KMT2A: variants seen among roughly 807,000 people sequenced by gnomAD.
KMT2A encodes the protein lysine methyltransferase 2A, also known as histone-lysine N-methyltransferase 2A.
A neutral mutation model predicts 345.3 loss-of-function variants in KMT2A; 16 were observed. The ratio of observed to expected loss-of-function variants is 0.05; its 90% CI spans 0.03 to 0.07. KMT2A has a LOEUF of 0.07. Among genes scored for constraint, KMT2A ranks in the 10% least tolerant of loss-of-function variants. KMT2A has a pLI of 1.00. For missense variants in KMT2A, 3,272 were observed against 4,841.6 expected (o/e 0.68, Z 9.62); for synonymous variants, 1,599 against 1,778.6 (o/e 0.90, Z 2.54).
rs560592574 is a variant in KMT2A at position 118,493,364 on chromosome 11, T to C, written c.5178+134T>C. The C allele has an allele frequency of 1.7e-6, 1 of 590,688 alleles. No homozygotes were observed. Among genetic ancestry groups the C allele is most frequent in the East Asian group, 3.1e-5 (1 of 32,766 alleles). 36.6% of individuals were successfully genotyped at this position (590,688 alleles called of 1,614,324 possible). ...TTTAGAAATGTCACGTGGCTTTAGA[T>C]ACCTAAAAATGTATGAGTTATTTTA... is the stretch of plus-strand genomic sequence containing the variant. On this transcript the variant is annotated intron_variant, in intron 16 of 35. Transcript: ENST00000534358. This position sits in a 1 kb window ranked among gnomAD's most constrained non-coding sequence, Gnocchi z 5.8.
Position 118,504,281 on chromosome 11 carries a change from C to G in KMT2A, c.8389C>G (p.Gln2797Glu), listed in dbSNP as rs1555047189. 6.2e-7 allele frequency: 1 copy of G among 1,614,102 alleles called. No individual in the cohort carries two copies. The highest frequency in any genetic ancestry group is 8.5e-7 in the Non-Finnish European group (1 of 1,180,034). Residue 2797 changes from glutamine (Q) to glutamate (E), a missense_variant, in exon 27 of 36, where the codon CAA becomes GAA. This residue lies in a region of KMT2A where 100 missense variants were observed against 101.3 expected (regional missense o/e 0.99). Transcript: ENST00000534358. The surrounding 1 kb of genome is among the most constrained non-coding windows in gnomAD (Gnocchi z 6.4). ...TGTAAGCAGAGTTAAAACACAGGGACAAGATTCCTTGGAAGCTCAGCTCAG... is the reference window on the plus strand; with the variant it reads ...TGTAAGCAGAGTTAAAACACAGGGAGAAGATTCCTTGGAAGCTCAGCTCAG... Reference protein sequence around the residue: ...HSVSRVKTQGQDSLEAQLSSL... With the variant: ...HSVSRVKTQGEDSLEAQLSSL...
intron 15 of KMT2A, 80 bp from the exon 16 acceptor site, chr11:118,492,977 C>G: frequency 9.2e-7 from 1 of 1,085,938 alleles, no homozygotes; most frequent in Non-Finnish European, 1.4e-6. Flanking sequence ...TCAGTACCAT[C>G]TTTATTAATT....
Position 118,526,417 on chromosome 11 carries a change from C to T in KMT2A, c.*4245C>T, listed in dbSNP as rs1951082862. 1 of 227,514 alleles carries T rather than the reference C, an allele frequency of 4.4e-6. No homozygotes were observed. The highest frequency in any genetic ancestry group is 1.8e-4 in the South Asian group (1 of 5,474). The allele number at this position is 227,514 out of a possible 1,614,324, so 14.1% of individuals were successfully genotyped here. On this transcript the variant is annotated 3_prime_UTR_variant, in exon 36 of 36. Transcript: ENST00000534358. ...GAATTGTGGTGTTTCTTTTATTGAA[C>T]TTTTAACAGTCTCTTTAGTAAATAC...
rs1239991722 is a variant in KMT2A, at chr11:118,494,544, G to A, written c.5289+146G>A. 6.0e-6 allele frequency: 5 copies of A among 835,200 alleles called. No individual in the cohort carries two copies. In the East Asian group the frequency reaches 1.1e-4, roughly 18 times the overall value. 51.7% of individuals were successfully genotyped at this position (835,200 alleles called of 1,614,324 possible). ...AATTTGATCCCCTGATTCTTTGAGA[G>A]GAACTTGGTGAGGTTGCCAGAGTGG... On this transcript the variant is annotated intron_variant, in intron 17 of 35. Coordinates refer to ENST00000534358, the MANE Select transcript of KMT2A (RefSeq NM_001197104.2). The surrounding 1 kb of genome is among the most constrained non-coding windows in gnomAD (Gnocchi z 5.8).
In KMT2A at chr11:118,520,136, G is replaced by C. The variant is rs1950926531; in HGVS notation, c.11429+72G>C. On this transcript the variant is annotated intron_variant, in intron 33 of 35. Coordinates refer to ENST00000534358, the MANE Select transcript of KMT2A (RefSeq NM_001197104.2). The surrounding 1 kb of genome is among the most constrained non-coding windows in gnomAD (Gnocchi z 4.3). ...CTCCAGCTGGTCAGGGCACTACGTAGGAATTTGTTTGCATCAGAATTTCCT... is the reference window on the plus strand; with the variant it reads ...CTCCAGCTGGTCAGGGCACTACGTACGAATTTGTTTGCATCAGAATTTCCT... The C allele has an allele frequency of 1.0e-6, 1 of 1,000,460 alleles. No individual in the cohort carries two copies. Among genetic ancestry groups the C allele is most frequent in the Admixed American group, 2.4e-5 (1 of 41,492 alleles). 62.0% of individuals were successfully genotyped at this position (1,000,460 alleles called of 1,614,324 possible). A position where few individuals can be genotyped will look rare whatever the true frequency, so the allele number is the denominator to read the frequency against.
Position 118,505,477 on chromosome 11 carries a change from G to A in KMT2A, c.9585G>A (p.Pro3195=), listed in dbSNP as rs371553631. ...TGCTTATTGGGGTTCAGCCTCCTCC[G>A]GATCCCCAACTTTTGGTTTCAGAAT... ...SGLLIGVQPP[P]DPQLLVSESS... Residue 3195 remains proline, a synonymous_variant, in exon 27 of 36, where the codon CCG becomes CCA. Transcript: ENST00000534358. The surrounding 1 kb of genome is among the most constrained non-coding windows in gnomAD (Gnocchi z 4.6). 2.3e-5 allele frequency: 37 copies of A among 1,613,930 alleles called. No individual in the cohort carries two copies. The Admixed American group carries it at 2.5e-4, about 11-fold the overall frequency.
intron 1 of KMT2A, 156 bp from the exon 2 acceptor site, chr11:118,468,619 A>T (rs1555034706): frequency 1.6e-6 from 1 of 616,062 alleles, no homozygotes. Context: ...ATTTATTTCA[A>T]TATTAGTTAT....
At chr11:118,506,919 T>A (rs1206426036) in intron 27 of KMT2A, among the ~76,000 whole-genome samples, 1 of 152,242 alleles carries the variant, frequency 6.6e-6, no homozygotes, top group East Asian at 1.9e-4. Flanking sequence ...GTTTCTTTTT[T>A]ACTGAGGCTT....
intron 15 of KMT2A, among the ~76,000 whole-genome samples, chr11:118,492,583 G>A (rs562928572): frequency 6.6e-6 from 1 of 152,340 alleles, no homozygotes; most frequent in South Asian, 2.1e-4. Flanking sequence ...GCAGGCTGAG[G>A]CAGGAGAATG....
At position 118,476,772 on chromosome 11, in the gene KMT2A, G is replaced by A. The variant is rs201569160; in HGVS notation, c.3157-33G>A. On this transcript the variant is annotated intron_variant, in intron 3 of 35. Transcript: ENST00000534358. This position sits in a 1 kb window ranked among gnomAD's most constrained non-coding sequence, Gnocchi z 4.1. ...TTCAGTTATAATTTCAACATGTATG[G>A]TTGTTATTGTTTTTGGATTGCCTCA... The A allele has an allele frequency of 6.3e-6, 10 of 1,575,232 alleles. No individual in the cohort carries two copies. The South Asian group carries it at 7.9e-5, about 13-fold the overall frequency.
chr11:118,453,135 C>T (rs1949574385), intron 1 of KMT2A, among the ~76,000 whole-genome samples: 2 of 152,184 alleles, frequency 1.3e-5, no homozygotes, highest in African/African-American at 2.4e-5. Flanking sequence ...ACCCCACGTC[C>T]ACCTCTAGCT....
Position 118,502,445 on chromosome 11 carries a change from T to C in KMT2A, c.6553T>C (p.Leu2185=). The stretch of plus-strand genomic sequence containing the variant: ...TGAAATAGTCACAGTAGGTGATCCT[T>C]TACTCTCCTCTGGACTTCGAAGCAT... The part of the protein sequence containing the change: ...THEIVTVGDP[L]LSSGLRSIGS... The change falls in exon 27 of 36, where the codon TTA becomes CTA. Residue 2185 remains leucine, a synonymous_variant. Transcript: ENST00000534358. This position sits in a 1 kb window ranked among gnomAD's most constrained non-coding sequence, Gnocchi z 4.9. 1 of 1,613,338 alleles carries C rather than the reference T, an allele frequency of 6.2e-7. No individual in the cohort carries two copies.
intron 1 of KMT2A, among the ~76,000 whole-genome samples, chr11:118,460,221 A>G (rs1356841477): frequency 6.6e-6 from 1 of 152,226 alleles, no homozygotes; most frequent in African/African-American, 2.4e-5. Context: ...ATACATTGCC[A>G]TCCTTTGGAA....
chr11:118,496,519 C>T lies in KMT2A; in HGVS notation c.5664+152C>T, dbSNP rs1950411654. ...ACTTTTATTTACCTATAACTTATAA[C>T]TTATTAATTTGTAACTTATTTTTTG... is the stretch of plus-strand genomic sequence containing the variant. On this transcript the variant is annotated intron_variant, in intron 20 of 35. Transcript: ENST00000534358. The surrounding 1 kb of genome is among the most constrained non-coding windows in gnomAD (Gnocchi z 4.7). 2 of 494,804 alleles carry T rather than the reference C, an allele frequency of 4.0e-6. No homozygotes were observed. Among genetic ancestry groups the T allele is most frequent in the Admixed American group, 7.2e-5 (2 of 27,888 alleles). The allele number at this position is 494,804 out of a possible 1,614,324, so 30.7% of individuals were successfully genotyped here. A position where few individuals can be genotyped will look rare whatever the true frequency, so the allele number is the denominator to read the frequency against.
chr11:118,437,170 TCTC>T (rs1297743391), intron 1 of KMT2A, among the ~76,000 whole-genome samples: 7 of 103,572 alleles, frequency 6.8e-5, no homozygotes, highest in African/African-American at 2.7e-4. Context: ...TGCCCCCCGC[TCTC>T]CTCCCCCTGA....
chr11:118,438,836 G>A (rs576707091), intron 1 of KMT2A, among the ~76,000 whole-genome samples: 1 of 152,264 alleles, frequency 6.6e-6, no homozygotes, highest in East Asian at 1.9e-4. Flanking sequence ...AGGAGGACAT[G>A]ATGGGGGCGT....
chr11:118,461,839 T>G (rs565547145), intron 1 of KMT2A, among the ~76,000 whole-genome samples: 1 of 152,374 alleles, frequency 6.6e-6, no homozygotes, highest in East Asian at 1.9e-4. Context: ...ACTCTTACCT[T>G]GTTTCCAACC....
rs577009687 is a variant in KMT2A at position 118,484,572 on chromosome 11, C to T, written c.4218+258C>T. ...AGTATCAGAGGAAGTAATTCCTTCA[C>T]ATGGAAAGTATCAAACCATGATGAT... On this transcript the variant is annotated intron_variant, in intron 9 of 35. Coordinates refer to ENST00000534358, the MANE Select transcript of KMT2A (RefSeq NM_001197104.2). The surrounding 1 kb of genome is among the most constrained non-coding windows in gnomAD (Gnocchi z 4.1). Among the ~76,000 whole-genome samples, 2 of 152,296 alleles carry T rather than the reference C, an allele frequency of 1.3e-5. No homozygotes were observed. The highest frequency in any genetic ancestry group is 2.1e-4 in the South Asian group (1 of 4,822).
At position 118,498,132 on chromosome 11, in the gene KMT2A, T is replaced by C; in HGVS notation, c.5802+59T>C. The C allele has an allele frequency of 1.3e-6, 2 of 1,564,204 alleles. No homozygotes were observed. The highest frequency in any genetic ancestry group is 8.8e-7 in the Non-Finnish European group (1 of 1,138,754). On this transcript the variant is annotated intron_variant, in intron 21 of 35. Transcript: ENST00000534358. This position sits in a 1 kb window ranked among gnomAD's most constrained non-coding sequence, Gnocchi z 4.4. The stretch of plus-strand genomic sequence containing the variant: ...TTCCCTCTCAGTTTCCAGATATTCT[T>C]CCTGTGGGTGAATATGGCCTCCCTG...
Sources: allele counts gnomAD v4.1 joint callset (sites outside exome capture counted in the v4.1 genomes callset), GRCh38; gene constraint gnomAD v4.1.1; regional missense constraint gnomAD v4.1.1; non-coding constraint Gnocchi (gnomAD v3.1); transcripts MANE v1.5; gene names NCBI Gene and HGNC (gene_info 2026-07-23, HGNC 2026-07-21).